The following TTC27 variants were observed in gnomAD, a reference collection of about 807,000 sequenced individuals.
TTC27 encodes tetratricopeptide repeat protein 27.
TTC27 carries 79 observed loss-of-function variants against 115.9 expected under a neutral mutation model. That is an observed-to-expected ratio of 0.68 (90% confidence interval 0.57 to 0.82). The LOEUF is 0.82. Ranked by LOEUF, TTC27 falls within the 40% of genes least tolerant of loss-of-function variation. The pLI is 0.00. For synonymous variants in TTC27, 401 were observed against 356.0 expected (o/e 1.13, Z -1.42); for missense variants, 1,054 against 993.1 (o/e 1.06, Z -0.82).
intron 10 of TTC27, among the ~76,000 whole-genome samples, chr2:32,709,409 A>T (rs1667500388): frequency 1.3e-5 from 2 of 152,148 alleles, no homozygotes; most frequent in African/African-American, 4.8e-5. Flanking sequence ...AATGCTTGGG[A>T]CCAGAAATGT....
intron 1 of TTC27, among the ~76,000 whole-genome samples, chr2:32,628,764 TA>T (rs199991980): frequency 0.016 from 2,396 of 151,078 alleles, 45 homozygotes; most frequent in African/African-American, 0.056. Context: ...TTTATTTATT[TA>T]TTTATTTATT....
intron 10 of TTC27, among the ~76,000 whole-genome samples, chr2:32,711,888 C>T (rs1011202430): frequency 6.6e-6 from 1 of 151,640 alleles, no homozygotes; most frequent in African/African-American, 2.4e-5. Context: ...TGCAGTGAGC[C>T]GAGATTGTGC....
intron 12 of TTC27, among the ~76,000 whole-genome samples, chr2:32,748,018 T>G (rs888806843): frequency 1.3e-5 from 2 of 152,154 alleles, no homozygotes; most frequent in African/African-American, 4.8e-5. Context: ...TAGTTTGCTG[T>G]TCTTTTTCTA....
chr2:32,650,065 C>T, intron 4 of TTC27, 66 bp from the exon 5 acceptor site: 3 of 1,319,366 alleles, frequency 2.3e-6, no homozygotes, highest in Non-Finnish European at 3.2e-6. Flanking sequence ...CTAAAAATCT[C>T]AGTTAATGTA....
At chr2:32,773,301 C>G (rs1669889784) in intron 13 of TTC27, among the ~76,000 whole-genome samples, 2 of 152,168 alleles carry the variant, frequency 1.3e-5, no homozygotes, top group African/African-American at 4.8e-5. Context: ...GTGATTATCT[C>G]CCTCCATTCT....
intron 15 of TTC27, among the ~76,000 whole-genome samples, chr2:32,784,938 A>T (rs1670298925): frequency 6.6e-6 from 1 of 152,226 alleles, no homozygotes; most frequent in African/African-American, 2.4e-5. Context: ...GGAACAATTT[A>T]TGACTGAAAT....
At chr2:32,633,190 T>A (rs1664279393) in intron 2 of TTC27, among the ~76,000 whole-genome samples, 1 of 152,178 alleles carries the variant, frequency 6.6e-6, no homozygotes, top group African/African-American at 2.4e-5. Flanking sequence ...AGATGTCTGA[T>A]CAGAACCTAA....
At chr2:32,704,790 A>G (rs759033863) in intron 10 of TTC27, 1 of 454,854 alleles carries the variant, frequency 2.2e-6, no homozygotes, top group Non-Finnish European at 4.6e-6. Context: ...ATGTTTCCTC[A>G]TGATTTGATT....
At chr2:32,762,479 A>T (rs1327351454) in intron 13 of TTC27, among the ~76,000 whole-genome samples, 1 of 152,110 alleles carries the variant, frequency 6.6e-6, no homozygotes, top group African/African-American at 2.4e-5. Context: ...ATAGCCATTA[A>T]AGGGTTGATT....
chr2:32,739,269 A>G (rs1310424736), intron 12 of TTC27, among the ~76,000 whole-genome samples: 2 of 152,212 alleles, frequency 1.3e-5, no homozygotes, highest in Non-Finnish European at 2.9e-5. Context: ...CTTTATATAA[A>G]AATATGGTAG....
At chr2:32,798,285 A>G (rs1188537854) in intron 16 of TTC27, among the ~76,000 whole-genome samples, 2 of 151,868 alleles carry the variant, frequency 1.3e-5, no homozygotes, top group Non-Finnish European at 2.9e-5. Context: ...CTGTAGTCCC[A>G]GCTATTTGGG....
At chr2:32,820,699 A>G in intron 19 of TTC27, 117 bp from the exon 20 acceptor site, 1 of 918,442 alleles carries the variant, frequency 1.1e-6, no homozygotes, top group Non-Finnish European at 1.4e-6. Context: ...TACCATTGCT[A>G]TTATAATTGT....
At chr2:32,748,613 A>G (rs1668906969) in intron 12 of TTC27, among the ~76,000 whole-genome samples, 1 of 151,428 alleles carries the variant, frequency 6.6e-6, no homozygotes, top group Non-Finnish European at 1.5e-5. Flanking sequence ...TTAGCTGCAC[A>G]TATATTTGTG....
intron 9 of TTC27, among the ~76,000 whole-genome samples, chr2:32,679,780 A>G (rs1666352164): frequency 6.6e-6 from 1 of 152,116 alleles, no homozygotes; most frequent in Admixed American, 6.6e-5. Context: ...ATCACTTGAG[A>G]TCAGGGGTTC....
chr2:32,634,383 C>A (rs1388877363), intron 3 of TTC27, among the ~76,000 whole-genome samples: 1 of 151,882 alleles, frequency 6.6e-6, no homozygotes, highest in Non-Finnish European at 1.5e-5. Context: ...CACCCTCAAC[C>A]TACTCAGGCT....
intron 7 of TTC27, among the ~76,000 whole-genome samples, chr2:32,670,734 C>T (rs1337166788): frequency 6.6e-6 from 1 of 152,152 alleles, no homozygotes; most frequent in Non-Finnish European, 1.5e-5. Context: ...TCTCCTGCCT[C>T]AGCCTCCCGA....
chr2:32,658,842 C>A (rs1665429087), intron 5 of TTC27, among the ~76,000 whole-genome samples: 2 of 152,126 alleles, frequency 1.3e-5, no homozygotes, highest in African/African-American at 4.8e-5. Flanking sequence ...GGTTATTATC[C>A]TCCATTCTTT....
chr2:32,628,279 C>G lies in TTC27; in HGVS notation c.-14C>G. On this transcript the variant is annotated 5_prime_UTR_variant, in exon 1 of 20. Transcript: ENST00000317907. ...TCGTGGGAGCCTGTTTTGGCTGCAG[C>G]GGTGTCTGGGGTGATGTGGACCCCG... The G allele has an allele frequency of 1.3e-6, 2 of 1,598,576 alleles. No homozygotes were observed. The highest frequency in any genetic ancestry group is 1.7e-6 in the Non-Finnish European group (2 of 1,174,364).
intron 13 of TTC27, among the ~76,000 whole-genome samples, chr2:32,773,756 T>G (rs371321992): frequency 1.3e-5 from 2 of 152,338 alleles, no homozygotes; most frequent in East Asian, 1.9e-4. Context: ...TTATTTTGGT[T>G]GTTATTGTAA....
Sources: allele counts gnomAD v4.1 joint callset (sites outside exome capture counted in the v4.1 genomes callset), GRCh38; gene constraint gnomAD v4.1.1; transcripts MANE v1.5; gene names NCBI Gene and HGNC (gene_info 2026-07-23, HGNC 2026-07-21).